Variants in KLRF1 observed in about 807,000 individuals in gnomAD.
The protein encoded by KLRF1 is killer cell lectin-like receptor subfamily F member 1.
Under a neutral mutation model 30.7 loss-of-function variants are expected in KLRF1, and 27 were observed. That is an observed-to-expected ratio of 0.88 (90% CI 0.65 to 1.21). The LOEUF (loss-of-function observed/expected upper bound fraction) is 1.21. Ranked by LOEUF, KLRF1 falls within the 50% of genes most tolerant of loss-of-function variation. The pLI, the probability that KLRF1 is intolerant of heterozygous loss-of-function variation, is 0.00. For missense variants in KLRF1, 246 were observed against 259.3 expected, an observed-to-expected ratio of 0.95 and a Z score of 0.35; for synonymous variants, 92 against 89.3, an observed-to-expected ratio of 1.03 and a Z score of -0.17.
chr12:9,835,305 G>A (rs61914616), intron 3 of KLRF1, among the ~76,000 whole-genome samples: 1 of 151,974 alleles, frequency 6.6e-6, no homozygotes, highest in East Asian at 1.9e-4. Context: ...GATGAGGAGT[G>A]CTGAAAGGGG....
intron 3 of KLRF1, among the ~76,000 whole-genome samples, chr12:9,838,500 C>A (rs4764015): frequency 0.091 from 13,869 of 152,142 alleles, 693 homozygotes; most frequent in African/African-American, 0.13. Flanking sequence ...CCTTCTCAGT[C>A]AGCACGTGAT....
intron 3 of KLRF1, among the ~76,000 whole-genome samples, chr12:9,833,901 C>CTTTTTTTTTTTTTTTTTTTTTTTTTT (rs35443913): frequency 1.1e-4 from 9 of 82,400 alleles, no homozygotes; most frequent in African/African-American, 2.8e-4. Flanking sequence ...AAATGTTTAA[C>CTTTTTTTTTTTTTTTTTTTTTTTTTT]TTTTTTTTTT....
chr12:9,807,394 T>G, the KLRF1 span, among the ~76,000 whole-genome samples: 1 of 152,152 alleles, frequency 6.6e-6, no homozygotes, highest in Non-Finnish European at 1.5e-5. Context: ...CTTTAAGATA[T>G]TATCTTCATT....
At chr12:9,800,834 A>C in the KLRF1 span, among the ~76,000 whole-genome samples, 2 of 151,788 alleles carry the variant, frequency 1.3e-5, no homozygotes, top group Admixed American at 6.6e-5. Flanking sequence ...TTTTTTAAAA[A>C]ATTTTATTCA....
At chr12:9,813,578 G>A in the KLRF1 span, among the ~76,000 whole-genome samples, 1 of 151,970 alleles carries the variant, frequency 6.6e-6, no homozygotes, top group Admixed American at 6.6e-5. Flanking sequence ...AGAGGCTTCA[G>A]GATGGCTGTC....
the KLRF1 span, among the ~76,000 whole-genome samples, chr12:9,819,067 A>G: frequency 3.0e-4 from 46 of 152,132 alleles, no homozygotes; most frequent in Non-Finnish European, 5.9e-4. Flanking sequence ...GGGGAGCACA[A>G]TTCTCCCATG....
At chr12:9,843,655 G>T (rs12367372) in intron 5 of KLRF1, among the ~76,000 whole-genome samples, 16,903 of 152,062 alleles carry the variant, frequency 0.11, 1,173 homozygotes, top group African/African-American at 0.19. Flanking sequence ...ATCACTACCC[G>T]TTAGGGTTGA....
At chr12:9,841,331 G>A (rs957263858) in intron 3 of KLRF1, among the ~76,000 whole-genome samples, 1 of 151,938 alleles carries the variant, frequency 6.6e-6, no homozygotes, top group Non-Finnish European at 1.5e-5. Flanking sequence ...GGTGGGAGGA[G>A]GGAGAGGATC....
chr12:9,810,118 A>G, the KLRF1 span, among the ~76,000 whole-genome samples: 1 of 152,202 alleles, frequency 6.6e-6, no homozygotes, highest in Non-Finnish European at 1.5e-5. Context: ...GTTTTTATCT[A>G]GGAACAATTC....
upstream of KLRF1, among the ~76,000 whole-genome samples, chr12:9,826,006 A>T (rs1867277672): frequency 6.6e-6 from 1 of 152,182 alleles, no homozygotes; most frequent in Non-Finnish European, 1.5e-5. Flanking sequence ...ATAACACAAA[A>T]ATGTATTATC....
chr12:9,828,303 A>G (rs1867328546), intron 1 of KLRF1, among the ~76,000 whole-genome samples: 1 of 151,124 alleles, frequency 6.6e-6, no homozygotes, highest in South Asian at 2.1e-4. Context: ...CTGGTCTTGA[A>G]CTCCTGACCT....
chr12:9,828,932 G>A (rs753476144), intron 1 of KLRF1, among the ~76,000 whole-genome samples: 3 of 151,958 alleles, frequency 2.0e-5, no homozygotes, highest in East Asian at 1.9e-4. Flanking sequence ...GCAGATTTTC[G>A]GCTCCCAGAT....
chr12:9,812,669 T>A, the KLRF1 span, among the ~76,000 whole-genome samples: 1,362 of 152,296 alleles, frequency 8.9e-3, 22 homozygotes, highest in African/African-American at 0.031. Context: ...TCTGTTTCTG[T>A]TATTTTACCC....
At chr12:9,824,599 T>C (rs1867261006), upstream of KLRF1, among the ~76,000 whole-genome samples, 1 of 152,142 alleles carries the variant, frequency 6.6e-6, no homozygotes, top group African/African-American at 2.4e-5. Context: ...AACATAGTAT[T>C]GGAAATCCTT....
chr12:9,830,889 T>C lies in KLRF1; in HGVS notation c.86-1427T>C, dbSNP rs141909543. 1.0e-3 allele frequency among the ~76,000 whole-genome samples: 154 copies of C among 152,088 alleles called. 1 individual carries two copies. Among genetic ancestry groups the C allele is most frequent in the African/African-American group, 3.6e-3 (149 of 41,564 alleles). ...TAAGTTAAATTAAACCATTTCCTTA[T>C]AGGAGAAAACACAGGATAATGAAAG... On this transcript the variant is annotated intron_variant, in intron 1 of 5. Transcript: ENST00000617889.
In KLRF1 at chr12:9,844,728, G is replaced by A. The variant is rs1006758350; in HGVS notation, c.*202G>A. 1.2e-5 allele frequency: 5 copies of A among 402,270 alleles called. No homozygotes were observed. Among genetic ancestry groups the A allele is most frequent in the Non-Finnish European group, 2.3e-5 (5 of 219,278 alleles). 24.9% of individuals were successfully genotyped at this position (402,270 alleles called of 1,614,324 possible). On this transcript the variant is annotated 3_prime_UTR_variant, in exon 6 of 6. Transcript: ENST00000617889. ...AAAATGTACACTTCAAAATTTTTACGTGATAGTATAAACCAATGTGACTTC... is the reference window on the plus strand; with the variant it reads ...AAAATGTACACTTCAAAATTTTTACATGATAGTATAAACCAATGTGACTTC...
At chr12:9,820,678 A>G in the KLRF1 span, among the ~76,000 whole-genome samples, 141 of 152,224 alleles carry the variant, frequency 9.3e-4, no homozygotes, top group Middle Eastern at 6.8e-3. Context: ...CTGCAGCACA[A>G]CCACCCTGCC....
intron 1 of KLRF1, 99 bp from the exon 2 acceptor site, chr12:9,832,217 C>A: frequency 1.6e-6 from 1 of 622,908 alleles, no homozygotes. Flanking sequence ...CTTTTGAAAC[C>A]AAAACTAATA....
At chr12:9,803,077 T>A in the KLRF1 span, among the ~76,000 whole-genome samples, 1 of 152,094 alleles carries the variant, frequency 6.6e-6, no homozygotes, top group Non-Finnish European at 1.5e-5. Context: ...AAGGCTACAG[T>A]AACCAAAGCA....
Sources: allele counts gnomAD v4.1 joint callset (sites outside exome capture counted in the v4.1 genomes callset), GRCh38; gene constraint gnomAD v4.1.1; transcripts MANE v1.5; gene names NCBI Gene and HGNC (gene_info 2026-07-23, HGNC 2026-07-21).